PITPNC1: variants seen among roughly 807,000 people sequenced by gnomAD.
The protein encoded by PITPNC1 is cytoplasmic phosphatidylinositol transfer protein 1.
Under a neutral mutation model 44.7 loss-of-function variants are expected in PITPNC1, and 18 were observed. The ratio of observed to expected loss-of-function variants is 0.40; its 90% CI spans 0.28 to 0.60. The LOEUF is 0.60. PITPNC1 is among the 20% of genes least tolerant of loss of function. The pLI is 0.39. For synonymous variants in PITPNC1, 141 were observed against 149.6 expected (o/e 0.94, Z 0.42); for missense variants, 290 against 418.4 (o/e 0.69, Z 2.68).
chr17:67,509,710 T>A (rs2040156141), intron 1 of PITPNC1, among the ~76,000 whole-genome samples: 1 of 152,126 alleles, frequency 6.6e-6, no homozygotes, highest in African/African-American at 2.4e-5. Flanking sequence ...TCACATCCTT[T>A]CCATGTTAGA....
intron 2 of PITPNC1, among the ~76,000 whole-genome samples, chr17:67,536,167 CAATA>C (rs2040524179): frequency 6.6e-6 from 1 of 152,062 alleles, no homozygotes; most frequent in Non-Finnish European, 1.5e-5. Context: ...AGACAACAAT[CAATA>C]ACACAGAAGA....
intron 4 of PITPNC1, among the ~76,000 whole-genome samples, chr17:67,564,283 G>A (rs2040945779): frequency 6.6e-6 from 1 of 152,142 alleles, no homozygotes; most frequent in Non-Finnish European, 1.5e-5. Flanking sequence ...GCAAGTTGGA[G>A]ACCCTGGGGT....
At chr17:67,427,501 T>C (rs576669969) in intron 1 of PITPNC1, among the ~76,000 whole-genome samples, 2 of 152,276 alleles carry the variant, frequency 1.3e-5, no homozygotes, top group East Asian at 3.9e-4. Context: ...CATGAGCCAC[T>C]GCACCCAGCC....
At chr17:67,408,707 TTCCTTCCTTCCTTC>T (rs1567978376) in intron 1 of PITPNC1, 35 of 148,640 alleles carry the variant, frequency 2.4e-4, no homozygotes, top group African/African-American at 6.8e-4. Flanking sequence ...CCTTCCTTCC[TTCCTTCCTTCCTTC>T]CTTCCTTCCT....
intron 4 of PITPNC1, among the ~76,000 whole-genome samples, chr17:67,559,926 G>A (rs1450452241): frequency 6.6e-6 from 1 of 152,082 alleles, no homozygotes; most frequent in East Asian, 1.9e-4. Context: ...AAGATTATGT[G>A]AGACCGGTGT....
rs140583455 is a variant in PITPNC1 at position 67,550,551 on chromosome 17, C to A, written c.198-1706C>A. Among the ~76,000 whole-genome samples the A allele has an allele frequency of 6.1e-3, 933 of 152,048 alleles. 3 individuals are homozygous for A. The highest frequency in any genetic ancestry group is 0.021 in the African/African-American group (875 of 41,514). On this transcript the variant is annotated intron_variant, in intron 2 of 8. Coordinates refer to ENST00000581322, the MANE Select transcript of PITPNC1 (RefSeq NM_012417.4). ...TCTGTTAGCTCCATGTCCCTTCCAG[C>A]CTCCTGGTTCTATCAGCTTGGAATT...
intron 5 of PITPNC1, among the ~76,000 whole-genome samples, chr17:67,629,361 C>G (rs967140355): frequency 6.6e-6 from 1 of 152,076 alleles, no homozygotes; most frequent in African/African-American, 2.4e-5. Context: ...CAATGTCCAC[C>G]TCCCAGGTTC....
intron 7 of PITPNC1, among the ~76,000 whole-genome samples, chr17:67,673,966 CAAAAAA>C (rs34458518): frequency 1.2e-5 from 1 of 84,884 alleles, no homozygotes; most frequent in African/African-American, 4.5e-5. Flanking sequence ...GACTCCGTCT[CAAAAAA>C]AAAAAAAAAA....
chr17:67,425,183 TTG>T lies in PITPNC1; in HGVS notation c.48+46984_48+46985del, dbSNP rs1341858673. Among the ~76,000 whole-genome samples, 7 of 116,266 alleles carry T rather than the reference TTG, an allele frequency of 6.0e-5. No individual in the cohort carries two copies. In the South Asian group the frequency reaches 1.2e-3, roughly 20 times the overall value. 76.3% of individuals were successfully genotyped at this position (116,266 alleles called of 152,430 possible). Reference sequence around the variant, plus strand: ...CACCCAGGTGAAATAAACAGCCATGTTGTGCGCGCGCACGCACACGCACACAC... The same window carrying T: ...CACCCAGGTGAAATAAACAGCCATGTTGCGCGCGCACGCACACGCACACAC... On this transcript the variant is annotated intron_variant, in intron 1 of 8. Coordinates refer to ENST00000581322, the MANE Select transcript of PITPNC1 (RefSeq NM_012417.4).
At chr17:67,639,704 T>A (rs2042071430) in intron 6 of PITPNC1, among the ~76,000 whole-genome samples, 1 of 152,214 alleles carries the variant, frequency 6.6e-6, no homozygotes, top group South Asian at 2.1e-4. Context: ...GGCAGCCAGT[T>A]CATTGGTCCC....
In PITPNC1 at chr17:67,378,255, C is replaced by T; in HGVS notation, c.48+53C>T. On this transcript the variant is annotated intron_variant, in intron 1 of 8. Transcript: ENST00000581322. ...CCCGCTCCGGGACCCCCGCCGCTAC[C>T]GCCGCCTCCTGGCCGGCGAGCCCCG... 3.1e-6 allele frequency: 4 copies of T among 1,271,084 alleles called. No individual in the cohort carries two copies. The South Asian group carries it at 4.6e-5, about 15-fold the overall frequency. The allele number at this position is 1,271,084 out of a possible 1,614,324, so 78.7% of individuals were successfully genotyped here. A position where few individuals can be genotyped will look rare whatever the true frequency, so the allele number is the denominator to read the frequency against.
At chr17:67,527,496 A>G (rs2040405219) in intron 1 of PITPNC1, among the ~76,000 whole-genome samples, 1 of 151,328 alleles carries the variant, frequency 6.6e-6, no homozygotes, top group Non-Finnish European at 1.5e-5. Flanking sequence ...TGAGGTCAGG[A>G]GTTCGAGACC....
intron 7 of PITPNC1, among the ~76,000 whole-genome samples, chr17:67,674,583 CATCA>C (rs2042569999): frequency 6.8e-6 from 1 of 147,232 alleles, no homozygotes; most frequent in East Asian, 2.0e-4. Flanking sequence ...TAGGATATGT[CATCA>C]GAAAAGAGGG....
intron 1 of PITPNC1, among the ~76,000 whole-genome samples, chr17:67,382,352 T>C (rs2037975109): frequency 2.0e-5 from 3 of 151,850 alleles, no homozygotes; most frequent in African/African-American, 7.3e-5. Context: ...TGTGTGTGTG[T>C]GTGTGTGTGT....
intron 2 of PITPNC1, among the ~76,000 whole-genome samples, chr17:67,535,731 A>G (rs940398829): frequency 6.6e-6 from 1 of 152,208 alleles, no homozygotes; most frequent in African/African-American, 2.4e-5. Flanking sequence ...AGCTGAGCTC[A>G]AAACAAAGAA....
chr17:67,514,188 GTTTTTTGTTTTT>G (rs2040228682), intron 1 of PITPNC1, among the ~76,000 whole-genome samples: 1 of 151,822 alleles, frequency 6.6e-6, no homozygotes, highest in Admixed American at 6.6e-5. Context: ...GAATTCACGG[GTTTTTTGTTTTT>G]GTTTTTGTTT....
In PITPNC1 at chr17:67,668,897, A is replaced by C. The variant is rs114804396; in HGVS notation, c.463-611A>C. Among the ~76,000 whole-genome samples the C allele has an allele frequency of 3.0e-3, 455 of 152,250 alleles. 3 individuals are homozygous for C. The highest frequency in any genetic ancestry group is 0.01 in the African/African-American group (424 of 41,554). The stretch of plus-strand genomic sequence containing the variant: ...AAGAAAGAAAAAAAGAGAAAAGAAA[A>C]AATTGAGACACAATATAATTCACCC... On this transcript the variant is annotated intron_variant, in intron 6 of 8. Transcript: ENST00000581322.
chr17:67,453,725 C>T (rs1231324327), intron 1 of PITPNC1, among the ~76,000 whole-genome samples: 1 of 152,128 alleles, frequency 6.6e-6, no homozygotes, highest in Admixed American at 6.5e-5. Flanking sequence ...TTTTCTGTAA[C>T]ACAAGTCTGC....
Position 67,693,094 on chromosome 17 carries a change from T to A in PITPNC1, c.*206T>A. On this transcript the variant is annotated 3_prime_UTR_variant, in exon 9 of 9. Coordinates refer to ENST00000581322, the MANE Select transcript of PITPNC1 (RefSeq NM_012417.4). ...TCATATTAGATGTAAGATGTAAGAC[T>A]TGCAAAGGACAGAAGGAATCTTCTG... is the stretch of plus-strand genomic sequence containing the variant. The A allele has an allele frequency of 1.9e-6, 1 of 540,246 alleles. No individual in the cohort carries two copies. Among genetic ancestry groups the A allele is most frequent in the Non-Finnish European group, 3.2e-6 (1 of 307,970 alleles). 33.5% of individuals were successfully genotyped at this position (540,246 alleles called of 1,614,324 possible).
Sources: allele counts gnomAD v4.1 joint callset (sites outside exome capture counted in the v4.1 genomes callset), GRCh38; gene constraint gnomAD v4.1.1; transcripts MANE v1.5; gene names NCBI Gene and HGNC (gene_info 2026-07-23, HGNC 2026-07-21).